Variants in AP1AR observed in about 807,000 individuals in gnomAD.
AP1AR encodes AP-1 complex-associated regulatory protein.
Under a neutral mutation model 46.3 loss-of-function variants are expected in AP1AR, and 29 were observed. The observed-to-expected ratio is 0.63, with a 90% confidence interval of 0.47 to 0.85. The LOEUF (loss-of-function observed/expected upper bound fraction) is 0.85, where lower values mean the gene tolerates loss of function less well. AP1AR is among the 40% of genes least tolerant of loss of function. The pLI is 0.00. For synonymous variants in AP1AR, 122 were observed against 122.9 expected (o/e 0.99, Z 0.05); for missense variants, 357 against 356.3 (o/e 1.00, Z -0.02).
chr4:112,254,730 CT>C lies in AP1AR; in HGVS notation c.133-11del. 3 of 1,495,304 alleles carry C rather than the reference CT, an allele frequency of 2.0e-6. No homozygotes were observed. Among genetic ancestry groups the C allele is most frequent in the Non-Finnish European group, 2.7e-6 (3 of 1,106,502 alleles). 92.6% of individuals were successfully genotyped at this position (1,495,304 alleles called of 1,614,324 possible). On this transcript the variant is annotated splice_polypyrimidine_tract_variant and intron_variant, in intron 2 of 9. Coordinates refer to ENST00000274000, the MANE Select transcript of AP1AR (RefSeq NM_018569.6). ...AGACAAATATTCCTCTTAACGCTTA[CT>C]TTTTTGTCCTTTCAGTTTGAGAATC...
In AP1AR at chr4:112,231,804, A is replaced by T. The variant is rs1358979328; in HGVS notation, c.-288A>T. On this transcript the variant is annotated 5_prime_UTR_variant, in exon 1 of 10. Transcript: ENST00000274000. The stretch of plus-strand genomic sequence containing the variant: ...AGGCGGTCACTCACGCTGGGCTAGG[A>T]GCTGAGGCGAGAAGGGCCATGCGGA... 1 of 317,896 alleles carries T rather than the reference A, an allele frequency of 3.1e-6. No homozygotes were observed. The highest frequency in any genetic ancestry group is 2.1e-5 in the African/African-American group (1 of 46,556). The allele number at this position is 317,896 out of a possible 1,614,324, so 19.7% of individuals were successfully genotyped here.
At chr4:112,242,548 G>A (rs987281593) in intron 1 of AP1AR, among the ~76,000 whole-genome samples, 4 of 152,172 alleles carry the variant, frequency 2.6e-5, no homozygotes, top group Non-Finnish European at 5.9e-5. Flanking sequence ...TCCACTAGTG[G>A]CAAAAGGTGA....
chr4:112,268,384 C>T lies in AP1AR; in HGVS notation c.884C>T (p.Ser295Phe). The change falls in exon 10 of 10, where the codon TCT (serine) becomes TTT (phenylalanine). Residue 295 changes from serine to phenylalanine, a missense_variant. Coordinates refer to ENST00000274000, the MANE Select transcript of AP1AR (RefSeq NM_018569.6). ...CTGTCTGATTCTGGCATAAGGCATT[C>T]TGACACAGATCAACAGACTCGATAG... is the stretch of plus-strand genomic sequence containing the variant. ...LELSDSGIRH[S>F]DTDQQTR 2 of 1,606,044 alleles carry T rather than the reference C, an allele frequency of 1.2e-6. No individual in the cohort carries two copies. The highest frequency in any genetic ancestry group is 1.7e-6 in the Non-Finnish European group (2 of 1,175,582).
At chr4:112,255,161 A>G (rs972317005) in intron 3 of AP1AR, among the ~76,000 whole-genome samples, 1 of 151,956 alleles carries the variant, frequency 6.6e-6, no homozygotes, top group Non-Finnish European at 1.5e-5. Flanking sequence ...GGGTTTCACC[A>G]TGTTAGCCAG....
intron 1 of AP1AR, among the ~76,000 whole-genome samples, chr4:112,233,419 T>G (rs1028700797): frequency 6.6e-6 from 1 of 152,246 alleles, no homozygotes; most frequent in Admixed American, 6.5e-5. Context: ...GACAGTTGTT[T>G]TATCTTGTCA....
intron 1 of AP1AR, among the ~76,000 whole-genome samples, chr4:112,243,623 T>G (rs999303802): frequency 1.3e-5 from 2 of 152,236 alleles, no homozygotes; most frequent in African/African-American, 2.4e-5. Context: ...AAGTCATTCA[T>G]TTCTATTCCT....
chr4:112,245,181 T>A (rs1056566146), intron 1 of AP1AR, among the ~76,000 whole-genome samples: 2 of 152,144 alleles, frequency 1.3e-5, no homozygotes, highest in Non-Finnish European at 1.5e-5. Flanking sequence ...TTAGTGAAAA[T>A]CTTTTTATGA....
intron 1 of AP1AR, among the ~76,000 whole-genome samples, chr4:112,243,201 G>T (rs1725583191): frequency 6.6e-6 from 1 of 152,174 alleles, no homozygotes; most frequent in Non-Finnish European, 1.5e-5. Context: ...TATTGCTAGA[G>T]AATTCTTCCA....
Position 112,268,236 on chromosome 4 carries a change from A to G in AP1AR, c.736A>G (p.Ser246Gly). 6.2e-7 allele frequency: 1 copy of G among 1,613,134 alleles called. No homozygotes were observed. Among genetic ancestry groups the G allele is most frequent in the Non-Finnish European group, 8.5e-7 (1 of 1,179,372 alleles). Residue 246 changes from serine to glycine, a missense_variant, in exon 10 of 10, where the codon AGT becomes GGT. Transcript: ENST00000274000. ...TAAGTATAGCAACAAGAAGACTGGA[A>G]GTAATCCTACATCAGCCTCTGATGA... Reference protein sequence around the residue: ...ALKYSNKKTGSNPTSASDDSN... With the variant: ...ALKYSNKKTGGNPTSASDDSN...
intron 1 of AP1AR, among the ~76,000 whole-genome samples, chr4:112,247,130 T>C (rs182635534): frequency 5.9e-5 from 9 of 152,336 alleles, no homozygotes; most frequent in Non-Finnish European, 1.2e-4. Flanking sequence ...TTTCTCGATA[T>C]TACTTAGAAG....
chr4:112,235,895 G>A (rs898489924), intron 1 of AP1AR, among the ~76,000 whole-genome samples: 21 of 152,076 alleles, frequency 1.4e-4, no homozygotes, highest in South Asian at 4.2e-4. Flanking sequence ...GAAACTATGC[G>A]CTTGACTTCC....
rs1203248285 is a variant in AP1AR, at chr4:112,268,293, G to A, written c.793G>A (p.Val265Ile). Residue 265 changes from valine (V) to isoleucine (I), a missense_variant, in exon 10 of 10, where the codon GTT (valine) becomes ATT (isoleucine). Around this residue, in one of 2 missense-constraint regions of AP1AR, gnomAD observed 88 missense variants for 132.7 expected, o/e 0.66. Coordinates refer to ENST00000274000, the MANE Select transcript of AP1AR (RefSeq NM_018569.6). ...SNGLEWENDFVSAEMDDNGNS... is the reference protein window; with the variant it reads ...SNGLEWENDFISAEMDDNGNS... ...TGGGCTGGAGTGGGAAAATGATTTTGTTAGTGCCGAAATGGATGATAATGG... is the reference window on the plus strand; with the variant it reads ...TGGGCTGGAGTGGGAAAATGATTTTATTAGTGCCGAAATGGATGATAATGG... The A allele has an allele frequency of 6.2e-7, 1 of 1,613,268 alleles. No homozygotes were observed. Among genetic ancestry groups the A allele is most frequent in the Non-Finnish European group, 8.5e-7 (1 of 1,179,434 alleles).
chr4:112,258,804 A>G (rs762433474), intron 4 of AP1AR, among the ~76,000 whole-genome samples: 1 of 152,204 alleles, frequency 6.6e-6, no homozygotes, highest in East Asian at 1.9e-4. Context: ...TAAAATCTAT[A>G]TTTCATTTTA....
chr4:112,268,374 A>C lies in AP1AR; in HGVS notation c.874A>C (p.Ile292Leu). The change falls in exon 10 of 10, where the codon ATA becomes CTA. Residue 292 changes from isoleucine (I) to leucine (L), a missense_variant. Physicochemically the swap from Ile to Leu is conservative, Grantham distance 5 (BLOSUM62 2). Around this residue, in one of 2 missense-constraint regions of AP1AR, gnomAD observed 88 missense variants for 132.7 expected, o/e 0.66. Coordinates refer to ENST00000274000, the MANE Select transcript of AP1AR (RefSeq NM_018569.6). Reference protein sequence around the residue: ...NPVLELSDSGIRHSDTDQQTR With the variant: ...NPVLELSDSGLRHSDTDQQTR The stretch of plus-strand genomic sequence containing the variant: ...TGTATTAGAACTGTCTGATTCTGGC[A>C]TAAGGCATTCTGACACAGATCAACA... 6.2e-7 allele frequency: 1 copy of C among 1,609,382 alleles called. No individual in the cohort carries two copies.
chr4:112,267,573 G>T (rs1177306825), intron 9 of AP1AR, among the ~76,000 whole-genome samples: 2 of 151,830 alleles, frequency 1.3e-5, no homozygotes, highest in Admixed American at 1.3e-4. Flanking sequence ...CCACTTTTTA[G>T]CTGTGTGACC....
intron 1 of AP1AR, among the ~76,000 whole-genome samples, chr4:112,233,326 G>A (rs936797443): frequency 6.6e-5 from 10 of 152,198 alleles, no homozygotes; most frequent in African/African-American, 2.2e-4. Context: ...TCCCTAGAAT[G>A]GAAGGGCAAG....
chr4:112,232,241 C>G, intron 1 of AP1AR, 67 bp downstream of exon 1: 1 of 1,228,312 alleles, frequency 8.1e-7, no homozygotes, highest in Non-Finnish European at 1.0e-6. Context: ...CGGGGAATCC[C>G]TTTCACCGTC....
chr4:112,266,783 C>G (rs1032711972), intron 9 of AP1AR, 67 bp downstream of exon 9: 1 of 1,419,574 alleles, frequency 7.0e-7, no homozygotes, highest in South Asian at 1.5e-5. Context: ...TGTAAATCTA[C>G]CTTGGTCTTT....
At chr4:112,244,251 A>G (rs1725630578) in intron 1 of AP1AR, among the ~76,000 whole-genome samples, 1 of 152,198 alleles carries the variant, frequency 6.6e-6, no homozygotes, top group African/African-American at 2.4e-5. Context: ...TGTAGTTAAA[A>G]TCCTAATAGG....
Sources: gnomAD v4.1 joint callset for allele counts (sites outside exome capture counted in the v4.1 genomes callset) on GRCh38, gnomAD v4.1.1 for gene constraint, gnomAD v4.1.1 regional missense constraint, MANE v1.5 for transcripts, NCBI Gene and HGNC (gene_info 2026-07-23, HGNC 2026-07-21) for gene names.